The following ARVCF variants were observed in gnomAD, a reference collection of about 807,000 sequenced individuals.
ARVCF encodes ARVCF delta catenin family member.
ARVCF carries 66 observed loss-of-function variants against 90.9 expected under a neutral mutation model. That is an observed-to-expected ratio of 0.73 (90% CI 0.60 to 0.89). The LOEUF (loss-of-function observed/expected upper bound fraction) is 0.89. Ranked by LOEUF, ARVCF falls within the 40% of genes least tolerant of loss-of-function variation. The probability of loss-of-function intolerance (pLI) is 0.00; values close to 1 mark genes in which losing one functional copy is unlikely to be tolerated. For synonymous variants in ARVCF, 653 were observed against 603.4 expected, an observed-to-expected ratio of 1.08 and a Z score of -1.21; for missense variants, 1,469 against 1,382.3, an observed-to-expected ratio of 1.06 and a Z score of -1.00.
chr22:19,995,191 G>A (rs1356801920), intron 2 of ARVCF, among the ~76,000 whole-genome samples: 2 of 152,042 alleles, frequency 1.3e-5, no homozygotes, highest in Admixed American at 6.6e-5. Context: ...GGTTATATAA[G>A]AAAATGAGGG....
At chr22:19,978,693 G>A (rs1224321139) in intron 7 of ARVCF, among the ~76,000 whole-genome samples, 2 of 152,120 alleles carry the variant, frequency 1.3e-5, no homozygotes, top group Non-Finnish European at 2.9e-5. Flanking sequence ...CCCTCCAGAG[G>A]GTGCCCCTGG....
At position 19,971,903 on chromosome 22, in the gene ARVCF, C is replaced by T. The variant is rs774502315; in HGVS notation, c.2764G>A (p.Glu922Lys). Residue 922 changes from glutamate to lysine, a missense_variant, in exon 18 of 20, where the codon GAG (glutamate) becomes AAG (lysine). Transcript: ENST00000263207. ...RGASSAGEASEKEPLKLDPSR... is the reference protein window; with the variant it reads ...RGASSAGEASKKEPLKLDPSR... ...CCACTTACTTTCAAGGGTTCCTTCT[C>T]AGAGGCCTCTCCTGCAGAGCTGGCG... 1.1e-5 allele frequency: 17 copies of T among 1,613,238 alleles called. No homozygotes were observed. The highest frequency in any genetic ancestry group is 1.7e-5 in the Admixed American group (1 of 59,988).
rs1400342126 is a variant in ARVCF, at chr22:19,978,922, A to C, written c.1555T>G (p.Phe519Val). 1 of 1,612,508 alleles carries C rather than the reference A, an allele frequency of 6.2e-7. No homozygotes were observed. Among genetic ancestry groups the C allele is most frequent in the East Asian group, 2.2e-5 (1 of 44,852 alleles). The part of the protein sequence containing the change: ...KPRDAEWTTV[F>V]KNTSGCLRNV... Reference sequence around the variant, plus strand: ...CTCAGGCAGCCCGACGTGTTCTTGAAGACAGTTGTCCACTCGGCGTCCCGT... The same window carrying C: ...CTCAGGCAGCCCGACGTGTTCTTGACGACAGTTGTCCACTCGGCGTCCCGT... The change falls in exon 7 of 20, where the codon TTC (phenylalanine) becomes GTC (valine). Residue 519 changes from phenylalanine to valine, a missense_variant. Coordinates refer to ENST00000263207, the MANE Select transcript of ARVCF (RefSeq NM_001670.3).
At position 19,971,843 on chromosome 22, in the gene ARVCF, G is replaced by A. The variant is rs165824; in HGVS notation, c.2781+43C>T. On this transcript the variant is annotated intron_variant, in intron 18 of 19. Transcript: ENST00000263207. ...CTGCTCTCCAGCAACCCCTAGACAC[G>A]GGGCCTCACCGGGGACCTGCCCACA... is the stretch of plus-strand genomic sequence containing the variant. 1,409,869 of 1,600,910 alleles carry A rather than the reference G, an allele frequency of 0.88. 625,658 individuals are homozygous for A. Among genetic ancestry groups the A allele is most frequent in the Middle Eastern group, 0.91 (5,515 of 6,036 alleles).
intron 18 of ARVCF, 25 bp from the exon 19 acceptor site, chr22:19,971,360 A>G (rs993357130): frequency 6.5e-7 from 1 of 1,545,326 alleles, no homozygotes; most frequent in African/African-American, 1.4e-5. Context: ...TGGGCATTAG[A>G]GGCACAATAG....
chr22:19,979,457 T>A (rs748140693), intron 6 of ARVCF: 14 of 545,754 alleles, frequency 2.6e-5, no homozygotes, highest in Non-Finnish European at 4.2e-5. Flanking sequence ...ACCAAGGAGG[T>A]GGGTCCCAGG....
chr22:19,971,141 G>A, intron 19 of ARVCF, 75 bp downstream of exon 19: 2 of 1,548,038 alleles, frequency 1.3e-6, no homozygotes, highest in Non-Finnish European at 1.7e-6. Flanking sequence ...GAGCGTGCAG[G>A]CAGCGGAGAC....
downstream of ARVCF, among the ~76,000 whole-genome samples, chr22:19,965,943 G>T (rs1364745822): frequency 6.6e-6 from 1 of 152,202 alleles, no homozygotes; most frequent in Non-Finnish European, 1.5e-5. Flanking sequence ...CAGCCAGATG[G>T]GCTTCACTTG....
chr22:19,995,794 T>A (rs1467839827), intron 2 of ARVCF, among the ~76,000 whole-genome samples: 1 of 151,678 alleles, frequency 6.6e-6, no homozygotes, highest in African/African-American at 2.4e-5. Flanking sequence ...GGCCCCCCCC[T>A]CGAGGGGAGA....
chr22:20,004,954 G>C (rs1464512649), intron 2 of ARVCF, among the ~76,000 whole-genome samples: 2 of 152,068 alleles, frequency 1.3e-5, no homozygotes, highest in African/African-American at 4.8e-5. Flanking sequence ...AAAATATAGG[G>C]GAAAGTCTTC....
In ARVCF at chr22:19,974,218, G is replaced by C. The variant is rs1168057066; in HGVS notation, c.1982C>G (p.Pro661Arg). The change falls in exon 12 of 20, where the codon CCC becomes CGC. Residue 661 changes from proline to arginine, a missense_variant. Pro to Arg is a moderately radical substitution (Grantham distance 103). Coordinates refer to ENST00000263207, the MANE Select transcript of ARVCF (RefSeq NM_001670.3). ...GGAGAGGTAGAGACGTACCACCTCG[G>C]GCTGGTACAGCAGCTCAAAGCCTAG... is the stretch of plus-strand genomic sequence containing the variant. ...AAKGFELLYQPEVVRLYLSLL... is the reference protein window; with the variant it reads ...AAKGFELLYQREVVRLYLSLL... 2 of 1,611,396 alleles carry C rather than the reference G, an allele frequency of 1.2e-6. No homozygotes were observed. The highest frequency in any genetic ancestry group is 8.5e-7 in the Non-Finnish European group (1 of 1,179,116).
At position 19,980,039 on chromosome 22, in the gene ARVCF, A is replaced by T. The variant is rs1411841272; in HGVS notation, c.1100T>A (p.Leu367Gln). The change falls in exon 6 of 20, where the codon CTG becomes CAG. Residue 367 changes from leucine to glutamine, a missense_variant. By Grantham distance (113) the Leu-to-Gln change is moderately radical. Coordinates refer to ENST00000263207, the MANE Select transcript of ARVCF (RefSeq NM_001670.3). ...CTTCACGGGGTCCACGGGGTGCCGC[A>T]GCATGGCCAGCACCTCAGGCAGCTC... ...DPELPEVLAM[L>Q]RHPVDPVKAN... 3 of 1,586,170 alleles carry T rather than the reference A, an allele frequency of 1.9e-6. No homozygotes were observed. The East Asian group carries it at 6.9e-5, about 36-fold the overall frequency.
downstream of ARVCF, among the ~76,000 whole-genome samples, chr22:19,966,129 CAAAA>C (rs2146181913): frequency 6.6e-6 from 1 of 152,296 alleles, no homozygotes; most frequent in South Asian, 2.1e-4. Context: ...GTAATTATCT[CAAAA>C]GAAGCAAAGT....
At chr22:20,001,108 G>A (rs547182424) in intron 2 of ARVCF, among the ~76,000 whole-genome samples, 2 of 152,252 alleles carry the variant, frequency 1.3e-5, no homozygotes, top group East Asian at 1.9e-4. Flanking sequence ...TTTGGGGGGT[G>A]GGGGACATCT....
chr22:19,972,914 G>C lies in ARVCF; in HGVS notation c.2550+11C>G, dbSNP rs1469898923. 1 of 1,613,886 alleles carries C rather than the reference G, an allele frequency of 6.2e-7. No homozygotes were observed. The highest frequency in any genetic ancestry group is 1.1e-5 in the South Asian group (1 of 91,086). ...GAGCAGGGAATGGAAGGAAGGCCAG[G>C]GAAGCCGCACCTGGAAGCGCGCCTT... On this transcript the variant is annotated intron_variant, in intron 15 of 19. Coordinates refer to ENST00000263207, the MANE Select transcript of ARVCF (RefSeq NM_001670.3).
intron 1 of ARVCF, among the ~76,000 whole-genome samples, chr22:20,011,394 C>T (rs1944826110): frequency 6.9e-6 from 1 of 145,128 alleles, no homozygotes; most frequent in Admixed American, 6.8e-5. Flanking sequence ...GAGCTCTCTC[C>T]CCCGCCTCTA....
At chr22:19,975,569 T>C in intron 11 of ARVCF, 117 bp downstream of exon 11, 1 of 1,134,326 alleles carries the variant, frequency 8.8e-7, no homozygotes, top group Non-Finnish European at 1.3e-6. Context: ...GGGGCCTGTT[T>C]CCCCATCTGT....
chr22:19,971,832 C>T, intron 18 of ARVCF, 54 bp downstream of exon 18: 1 of 1,591,262 alleles, frequency 6.3e-7, no homozygotes, highest in South Asian at 1.1e-5. Flanking sequence ...TCTCCAGCAA[C>T]CCCTAGACAC....
chr22:20,015,035 T>C (rs913731650), intron 1 of ARVCF, among the ~76,000 whole-genome samples: 6 of 151,822 alleles, frequency 4.0e-5, no homozygotes, highest in Non-Finnish European at 7.4e-5. Context: ...GCAGCCCAGA[T>C]GTGGTGGGTG....
Sources: gnomAD v4.1 joint callset for allele counts (sites outside exome capture counted in the v4.1 genomes callset) on GRCh38, gnomAD v4.1.1 for gene constraint, MANE v1.5 for transcripts, NCBI Gene and HGNC (gene_info 2026-07-23, HGNC 2026-07-21) for gene names.